Variants in SLC44A5 observed in about 807,000 individuals in gnomAD.
SLC44A5 encodes choline transporter-like protein 5.
Under a neutral mutation model 101.8 loss-of-function variants are expected in SLC44A5, and 57 were observed. That is an observed-to-expected ratio of 0.56 (90% CI 0.45 to 0.70). SLC44A5 has a LOEUF of 0.70. Ranked by LOEUF, SLC44A5 falls within the 30% of genes least tolerant of loss-of-function variation. SLC44A5 has a pLI of 0.00. For synonymous variants in SLC44A5, 281 were observed against 290.9 expected (o/e 0.97, Z 0.35); for missense variants, 737 against 853.1 (o/e 0.86, Z 1.70).
chr1:75,388,240 A>G (rs923049480), intron 3 of SLC44A5, among the ~76,000 whole-genome samples: 9 of 148,072 alleles, frequency 6.1e-5, no homozygotes, highest in African/African-American at 2.3e-4. Flanking sequence ...ATAAATCCAA[A>G]AAAAAACAGT....
chr1:75,465,823 G>A (rs529023185), intron 2 of SLC44A5, among the ~76,000 whole-genome samples: 20 of 152,164 alleles, frequency 1.3e-4, no homozygotes, highest in African/African-American at 4.8e-4. Context: ...TACCAAGATT[G>A]AACCAGGAAA....
chr1:75,507,338 G>A (rs1191541702), intron 2 of SLC44A5, among the ~76,000 whole-genome samples: 1 of 152,072 alleles, frequency 6.6e-6, no homozygotes, highest in African/African-American at 2.4e-5. Flanking sequence ...CCATTTGTGT[G>A]GTTGATCACA....
intron 2 of SLC44A5, among the ~76,000 whole-genome samples, chr1:75,489,825 T>C (rs1295886392): frequency 6.6e-6 from 1 of 152,214 alleles, no homozygotes; most frequent in Non-Finnish European, 1.5e-5. Flanking sequence ...ATGTACTCAC[T>C]TTTAATAGTA....
intron 2 of SLC44A5, among the ~76,000 whole-genome samples, chr1:75,403,424 G>A (rs776403865): frequency 1.3e-5 from 2 of 152,084 alleles, no homozygotes; most frequent in South Asian, 2.1e-4. Context: ...AGCAGGGGTC[G>A]ACAGACACCT....
intron 3 of SLC44A5, among the ~76,000 whole-genome samples, chr1:75,395,041 T>C (rs189506641): frequency 3.3e-5 from 5 of 152,188 alleles, no homozygotes; most frequent in Non-Finnish European, 7.4e-5. Flanking sequence ...CTCTTTCTTT[T>C]ACTTCTGTCC....
At chr1:75,514,778 A>G (rs1035637836) in intron 2 of SLC44A5, among the ~76,000 whole-genome samples, 8 of 152,338 alleles carry the variant, frequency 5.3e-5, no homozygotes, top group Admixed American at 4.6e-4. Context: ...AACCCAGACC[A>G]TATTTCCAGT....
chr1:75,357,954 T>C (rs1182003719), intron 3 of SLC44A5, among the ~76,000 whole-genome samples: 1 of 152,076 alleles, frequency 6.6e-6, no homozygotes, highest in Non-Finnish European at 1.5e-5. Flanking sequence ...AAATTTAACA[T>C]GGTTTTTGCA....
the SLC44A5 span, among the ~76,000 whole-genome samples, chr1:75,675,021 G>A: frequency 6.6e-6 from 1 of 152,198 alleles, no homozygotes; most frequent in African/African-American, 2.4e-5. Context: ...AGAGCCTTGT[G>A]GTAGTTTGAA....
chr1:75,664,110 C>CT, the SLC44A5 span, among the ~76,000 whole-genome samples: 23 of 113,888 alleles, frequency 2.0e-4, no homozygotes, highest in Middle Eastern at 5.3e-3. Flanking sequence ...TCCAACATCC[C>CT]TTCATGATAA....
At chr1:75,571,564 A>C (rs1419289286) in intron 1 of SLC44A5, among the ~76,000 whole-genome samples, 2 of 152,222 alleles carry the variant, frequency 1.3e-5, no homozygotes, top group Non-Finnish European at 2.9e-5. Context: ...TCAAAAAAAA[A>C]CATGAGATAT....
intron 4 of SLC44A5, among the ~76,000 whole-genome samples, chr1:75,316,376 C>T (rs910551774): frequency 2.6e-5 from 4 of 152,154 alleles, no homozygotes; most frequent in Non-Finnish European, 5.9e-5. Context: ...ATCATCAACA[C>T]CCAGCTTAAA....
At position 75,448,408 on chromosome 1, in the gene SLC44A5, G is replaced by A. The variant is rs1221816005; in HGVS notation, c.14-51787C>T. On this transcript the variant is annotated intron_variant, in intron 2 of 23. Coordinates refer to ENST00000370859, the MANE Select transcript of SLC44A5 (RefSeq NM_001130058.2). ...GAATGTTGGCCCAAATTTAGTTCACGATCATATGTAACTGAAAGACAACTT... is the reference window on the plus strand; with the variant it reads ...GAATGTTGGCCCAAATTTAGTTCACAATCATATGTAACTGAAAGACAACTT... Among the ~76,000 whole-genome samples, 3 of 152,162 alleles carry A rather than the reference G, an allele frequency of 2.0e-5. 1 individual carries two copies. The highest frequency in any genetic ancestry group is 4.4e-5 in the Non-Finnish European group (3 of 68,032).
intron 6 of SLC44A5, among the ~76,000 whole-genome samples, chr1:75,259,040 C>T (rs1277887344): frequency 6.6e-6 from 1 of 152,082 alleles, no homozygotes; most frequent in African/African-American, 2.4e-5. Flanking sequence ...ACTTTAAAGA[C>T]CAAAGGTAGA....
chr1:75,586,540 A>AT (rs59339576), intron 1 of SLC44A5, among the ~76,000 whole-genome samples: 97 of 148,990 alleles, frequency 6.5e-4, no homozygotes, highest in African/African-American at 2.1e-3. Flanking sequence ...CTGGAGTTTG[A>AT]TTTTTTTTTT....
At chr1:75,463,666 A>AG (rs971846620) in intron 2 of SLC44A5, among the ~76,000 whole-genome samples, 2 of 152,194 alleles carry the variant, frequency 1.3e-5, no homozygotes, top group African/African-American at 4.8e-5. Flanking sequence ...ACAAAAGCTG[A>AG]GGGATTTCAT....
the SLC44A5 span, among the ~76,000 whole-genome samples, chr1:75,667,611 C>G: frequency 6.6e-6 from 1 of 151,806 alleles, no homozygotes; most frequent in African/African-American, 2.4e-5. Context: ...AAAACAAAAA[C>G]AAAAACAAAA....
chr1:75,368,984 A>G (rs1660044598), intron 3 of SLC44A5, among the ~76,000 whole-genome samples: 1 of 151,552 alleles, frequency 6.6e-6, no homozygotes. Flanking sequence ...CATCCAAAGA[A>G]AGCAAAAAGT....
At chr1:75,396,733 A>G in intron 2 of SLC44A5, 112 bp from the exon 3 acceptor site, 1 of 805,274 alleles carries the variant, frequency 1.2e-6, no homozygotes, top group Admixed American at 1.9e-5. Flanking sequence ...CTAACACACA[A>G]AATAACATAA....
intron 5 of SLC44A5, among the ~76,000 whole-genome samples, chr1:75,276,238 C>G (rs1220906312): frequency 1.3e-5 from 2 of 152,098 alleles, no homozygotes; most frequent in Admixed American, 1.3e-4. Flanking sequence ...GCTGCCGTAT[C>G]TTCCCGTCTC....
Sources: allele counts gnomAD v4.1 joint callset (sites outside exome capture counted in the v4.1 genomes callset), GRCh38; gene constraint gnomAD v4.1.1; transcripts MANE v1.5; gene names NCBI Gene and HGNC (gene_info 2026-07-23, HGNC 2026-07-21).